ADCY2: variants seen among roughly 807,000 people sequenced by gnomAD.
ADCY2 encodes the protein adenylate cyclase type 2.
In ADCY2, 31 loss-of-function variants were observed where a neutral mutation model predicts 125.2. The observed-to-expected ratio is 0.25, with a 90% confidence interval of 0.19 to 0.33. ADCY2 has a LOEUF of 0.33. Ranked by LOEUF, ADCY2 falls within the 10% of genes least tolerant of loss-of-function variation. The pLI is 1.00. For synonymous variants in ADCY2, 512 were observed against 548.4 expected (o/e 0.93, Z 0.93); for missense variants, 904 against 1,418.2 (o/e 0.64, Z 5.82).
At chr5:7,533,680 T>C (rs1160049616) in intron 3 of ADCY2, among the ~76,000 whole-genome samples, 1 of 152,194 alleles carries the variant, frequency 6.6e-6, no homozygotes, top group Non-Finnish European at 1.5e-5. Context: ...GCTAATTTGG[T>C]TGGGATTTAC....
chr5:7,446,941 A>G (rs2126411694), intron 2 of ADCY2, among the ~76,000 whole-genome samples: 1 of 152,304 alleles, frequency 6.6e-6, no homozygotes, highest in South Asian at 2.1e-4. Context: ...TCTTATAAGC[A>G]CTACCAAAAT....
intron 2 of ADCY2, among the ~76,000 whole-genome samples, chr5:7,420,108 G>C (rs1258874282): frequency 6.6e-6 from 1 of 152,146 alleles, no homozygotes; most frequent in Admixed American, 6.5e-5. Flanking sequence ...ATTTGTCACA[G>C]CTTGGTCGGG....
chr5:7,608,867 C>T (rs1737476042), intron 3 of ADCY2, among the ~76,000 whole-genome samples: 1 of 152,186 alleles, frequency 6.6e-6, no homozygotes, highest in Admixed American at 6.5e-5. Context: ...GTGAGCCAGC[C>T]ATATGGGCCA....
chr5:7,453,023 C>A (rs1184830674), intron 2 of ADCY2, among the ~76,000 whole-genome samples: 3 of 152,176 alleles, frequency 2.0e-5, no homozygotes, highest in African/African-American at 7.2e-5. Flanking sequence ...GCAGAGTTTG[C>A]AAATATATTC....
At chr5:7,661,929 AGAT>A (rs1739549575) in intron 4 of ADCY2, among the ~76,000 whole-genome samples, 2 of 152,216 alleles carry the variant, frequency 1.3e-5, no homozygotes, top group Admixed American at 6.5e-5. Flanking sequence ...TGCTTTTCAC[AGAT>A]GATATCTCCA....
chr5:7,645,576 T>A (rs1032839630), intron 4 of ADCY2, among the ~76,000 whole-genome samples: 3 of 152,186 alleles, frequency 2.0e-5, no homozygotes, highest in Non-Finnish European at 1.5e-5. Context: ...AGGTTACCAG[T>A]GAGTGAACAA....
At chr5:7,812,556 G>A (rs78808311) in intron 22 of ADCY2, among the ~76,000 whole-genome samples, 4,028 of 152,284 alleles carry the variant, frequency 0.026, 75 homozygotes, top group Middle Eastern at 0.068. Flanking sequence ...AAGACCCAGG[G>A]ATGCAGGCTG....
At chr5:7,507,096 G>A (rs1474176174) in intron 2 of ADCY2, among the ~76,000 whole-genome samples, 1 of 151,376 alleles carries the variant, frequency 6.6e-6, no homozygotes, top group Admixed American at 6.6e-5. Flanking sequence ...TCACACGCGG[G>A]AGGGCTTGTG....
At chr5:7,514,138 T>C (rs950448697) in intron 2 of ADCY2, among the ~76,000 whole-genome samples, 4 of 152,168 alleles carry the variant, frequency 2.6e-5, no homozygotes, top group Non-Finnish European at 5.9e-5. Flanking sequence ...TAATCTATGA[T>C]TGGCATATTT....
intron 2 of ADCY2, among the ~76,000 whole-genome samples, chr5:7,475,384 ATT>A (rs879874681): frequency 3.5e-5 from 5 of 141,548 alleles, no homozygotes; most frequent in Non-Finnish European, 3.1e-5. Flanking sequence ...GAAACTTGAG[ATT>A]TTTTTTTTTT....
chr5:7,397,325 G>C (rs1484080358), intron 1 of ADCY2, among the ~76,000 whole-genome samples: 1 of 152,096 alleles, frequency 6.6e-6, no homozygotes, highest in Non-Finnish European at 1.5e-5. Flanking sequence ...AAAGTGAGGG[G>C]AAGTCTGTAG....
chr5:7,777,776 G>C lies in ADCY2; in HGVS notation c.2384+4675G>C, dbSNP rs139273049. Among the ~76,000 whole-genome samples the C allele has an allele frequency of 8.5e-5, 13 of 152,244 alleles. No individual in the cohort carries two copies. The South Asian group carries it at 2.7e-3, about 32-fold the overall frequency. On this transcript the variant is annotated intron_variant, in intron 18 of 24. Transcript: ENST00000338316. ...GAGAAGTATGCACTAGAAAAACTTC[G>C]TATCGATGAATAGTTAAGAAAATGG...
At chr5:7,695,385 A>G (rs1740855193) in intron 5 of ADCY2, among the ~76,000 whole-genome samples, 1 of 152,232 alleles carries the variant, frequency 6.6e-6, no homozygotes, top group African/African-American at 2.4e-5. Context: ...TAAATTCTGA[A>G]CGTCAGGAAG....
At chr5:7,464,150 AC>A (rs1365046526) in intron 2 of ADCY2, among the ~76,000 whole-genome samples, 5 of 152,000 alleles carry the variant, frequency 3.3e-5, no homozygotes, top group African/African-American at 1.2e-4. Flanking sequence ...TGTGTTGTCT[AC>A]CCTTTCCTCT....
chr5:7,479,668 A>G (rs1742656198), intron 2 of ADCY2, among the ~76,000 whole-genome samples: 1 of 152,004 alleles, frequency 6.6e-6, no homozygotes, highest in Admixed American at 6.6e-5. Context: ...CTGTTGTGCT[A>G]GCAAATACTA....
At chr5:7,450,814 T>C (rs993113095) in intron 2 of ADCY2, among the ~76,000 whole-genome samples, 2 of 152,130 alleles carry the variant, frequency 1.3e-5, no homozygotes, top group African/African-American at 4.8e-5. Context: ...CCCTTAAAAA[T>C]TGTTAATTTT....
At chr5:7,804,040 AAGAG>A (rs57193249) in intron 21 of ADCY2, among the ~76,000 whole-genome samples, 3,081 of 106,548 alleles carry the variant, frequency 0.029, 154 homozygotes, top group African/African-American at 0.1. Context: ...GGAGGGGGGA[AAGAG>A]AGAGAGAGAG....
rs116030935 is a variant in ADCY2 at position 7,598,649 on chromosome 5, G to T, written c.571-27518G>T. ...TTCGAGGCAGAGGGCTGCTAGGTGT[G>T]GGTGCTGGGGGTGTGAGTTGTTTCC... is the stretch of plus-strand genomic sequence containing the variant. On this transcript the variant is annotated intron_variant, in intron 3 of 24. Transcript: ENST00000338316. Among the ~76,000 whole-genome samples the T allele has an allele frequency of 8.8e-3, 1,339 of 152,278 alleles. 7 individuals are homozygous for T. The highest frequency in any genetic ancestry group is 0.044 in the Middle Eastern group (13 of 294).
intron 12 of ADCY2, among the ~76,000 whole-genome samples, 168 bp downstream of exon 12, chr5:7,717,405 A>T (rs1255218232): frequency 6.6e-6 from 1 of 152,176 alleles, no homozygotes; most frequent in Non-Finnish European, 1.5e-5. Flanking sequence ...TATTTATTTC[A>T]TCTTTTTAAA....
Sources: gnomAD v4.1 joint callset for allele counts (sites outside exome capture counted in the v4.1 genomes callset) on GRCh38, gnomAD v4.1.1 for gene constraint, MANE v1.5 for transcripts, NCBI Gene and HGNC (gene_info 2026-07-23, HGNC 2026-07-21) for gene names.